Variants in ANO5 observed in about 807,000 individuals in gnomAD.
ANO5 encodes the protein anoctamin 5.
In ANO5, 109 loss-of-function variants were observed where a neutral mutation model predicts 121.0. That is an observed-to-expected ratio of 0.90 (90% CI 0.77 to 1.06). The LOEUF is 1.06. Ranked by LOEUF, ANO5 falls within the 50% of genes least tolerant of loss-of-function variation. The pLI is 0.00. For missense variants in ANO5, 1,064 were observed against 1,078.5 expected, an observed-to-expected ratio of 0.99 and a Z score of 0.19; for synonymous variants, 406 against 359.9, an observed-to-expected ratio of 1.13 and a Z score of -1.45.
chr11:22,277,309 A>C (rs1259682028), intron 21 of ANO5, among the ~76,000 whole-genome samples: 1 of 151,610 alleles, frequency 6.6e-6, no homozygotes, highest in Non-Finnish European at 1.5e-5. Context: ...GTATTTTGAT[A>C]ATTTATTTAG....
chr11:22,223,704 A>G (rs1017474072), intron 5 of ANO5, among the ~76,000 whole-genome samples: 1 of 151,930 alleles, frequency 6.6e-6, no homozygotes, highest in Non-Finnish European at 1.5e-5. Context: ...TTTTCTGTAT[A>G]CCTATTTTGG....
rs535243418 is a variant in ANO5 at position 22,237,116 on chromosome 11, T to C, written c.762+840T>C. 3.2e-4 allele frequency among the ~76,000 whole-genome samples: 48 copies of C among 152,318 alleles called. 1 individual carries two copies. The South Asian group carries it at 9.7e-3, about 31-fold the overall frequency. ...CATATTCTACTTTGAGATCATCCCT[T>C]GGAATGTCTATTTTTGTTGTTTCTT... On this transcript the variant is annotated intron_variant, in intron 8 of 21. Transcript: ENST00000324559.
chr11:22,251,033 G>C, intron 12 of ANO5, 22 bp downstream of exon 12: 1 of 1,593,664 alleles, frequency 6.3e-7, no homozygotes, highest in Non-Finnish European at 8.6e-7. Context: ...GTCCCATAAA[G>C]AAACAGCTTT....
At chr11:22,227,063 T>C (rs1852861948) in intron 6 of ANO5, among the ~76,000 whole-genome samples, 1 of 152,128 alleles carries the variant, frequency 6.6e-6, no homozygotes, top group Admixed American at 6.6e-5. Context: ...TGTGTCTTTG[T>C]ATGTCTCTCT....
chr11:22,224,854 C>A (rs1852772225), intron 5 of ANO5, among the ~76,000 whole-genome samples: 1 of 151,946 alleles, frequency 6.6e-6, no homozygotes, highest in Non-Finnish European at 1.5e-5. Flanking sequence ...TCATTTGCAG[C>A]CATCGATGGA....
chr11:22,274,853 C>T (rs1428099037), intron 20 of ANO5, 106 bp downstream of exon 20: 8 of 1,342,078 alleles, frequency 6.0e-6, no homozygotes, highest in East Asian at 5.0e-5. Flanking sequence ...TTTCTTAGGG[C>T]AACAAAAATC....
intron 17 of ANO5, among the ~76,000 whole-genome samples, chr11:22,269,379 AAAG>A (rs1371519411): frequency 1.2e-4 from 17 of 147,260 alleles, no homozygotes; most frequent in South Asian, 2.2e-4. Context: ...AGGAAGAAGG[AAAG>A]AAGAAAGGAA....
chr11:22,201,229 T>C (rs1295024755), intron 1 of ANO5, among the ~76,000 whole-genome samples: 2 of 152,202 alleles, frequency 1.3e-5, no homozygotes, highest in Non-Finnish European at 2.9e-5. Context: ...CATTCAATTT[T>C]TCAATAAATG....
intron 13 of ANO5, 135 bp downstream of exon 13, chr11:22,255,657 T>TA: frequency 7.1e-6 from 7 of 987,606 alleles, no homozygotes; most frequent in Non-Finnish European, 1.1e-5. Context: ...TCTTTACTTG[T>TA]TTCTAATATA....
intron 1 of ANO5, among the ~76,000 whole-genome samples, chr11:22,195,138 G>A (rs1212207711): frequency 6.6e-6 from 1 of 152,040 alleles, no homozygotes; most frequent in Non-Finnish European, 1.5e-5. Flanking sequence ...TTGTAAAGTG[G>A]TATCTCAGTG....
Position 22,250,984 on chromosome 11 carries a change from T to C in ANO5, c.1153T>C (p.Phe385Leu), listed in dbSNP as rs1358881006. 1.2e-6 allele frequency: 2 copies of C among 1,612,364 alleles called. No homozygotes were observed. Residue 385 changes from phenylalanine to leucine, a missense_variant, in exon 12 of 22, where the codon TTC becomes CTC. By Grantham distance (22) the Phe-to-Leu change is conservative. Transcript: ENST00000324559. ...TTTGTTTGATAATGAGTCAACAGTG[T>C]TCTTTGCAATATTCATGGGAATTTG... ...SHLFDNESTV[F>L]FAIFMGIWVT... is the part of the protein sequence containing the mutation.
intron 3 of ANO5, among the ~76,000 whole-genome samples, 183 bp from the exon 4 acceptor site, chr11:22,218,063 C>T (rs1331743638): frequency 5.0e-5 from 5 of 99,886 alleles, no homozygotes; most frequent in Non-Finnish European, 1.2e-4. Flanking sequence ...TTGCTTTCTT[C>T]CCATTTTTCT....
intron 7 of ANO5, among the ~76,000 whole-genome samples, chr11:22,228,760 C>T (rs1349648754): frequency 6.6e-6 from 1 of 151,718 alleles, no homozygotes; most frequent in Admixed American, 6.6e-5. Flanking sequence ...CTCTTCCTAC[C>T]TTAATGTCCT....
chr11:22,233,002 C>T (rs926313876), intron 7 of ANO5, among the ~76,000 whole-genome samples: 1 of 151,970 alleles, frequency 6.6e-6, no homozygotes, highest in Non-Finnish European at 1.5e-5. Flanking sequence ...CTCATAGATA[C>T]CCCTTCCCGC....
At chr11:22,266,530 A>G (rs1854372106) in intron 17 of ANO5, among the ~76,000 whole-genome samples, 2 of 152,160 alleles carry the variant, frequency 1.3e-5, no homozygotes, top group Admixed American at 1.3e-4. Flanking sequence ...AACAACATGA[A>G]TAAGTATTTT....
chr11:22,249,642 G>A (rs1853734310), intron 9 of ANO5, among the ~76,000 whole-genome samples: 1 of 152,098 alleles, frequency 6.6e-6, no homozygotes, highest in Non-Finnish European at 1.5e-5. Flanking sequence ...TGAAAACCAA[G>A]AGCTAGGCTG....
At position 22,272,782 on chromosome 11, in the gene ANO5, A is replaced by C; in HGVS notation, c.2030-2A>C. 6.2e-7 allele frequency: 1 copy of C among 1,613,256 alleles called. No homozygotes were observed. The highest frequency in any genetic ancestry group is 8.5e-7 in the Non-Finnish European group (1 of 1,179,354). On this transcript the variant is annotated splice_acceptor_variant, in intron 18 of 21. Coordinates refer to ENST00000324559, the MANE Select transcript of ANO5 (RefSeq NM_213599.3). LOFTEE classifies it high-confidence loss of function. ...GTTCATGCCTTTTTCTTTTCTCTAC[A>C]GTTACTCAATTTGGATTTGTTACAC... is the stretch of plus-strand genomic sequence containing the variant.
At chr11:22,236,701 T>C (rs1016863797) in intron 8 of ANO5, among the ~76,000 whole-genome samples, 1 of 152,198 alleles carries the variant, frequency 6.6e-6, no homozygotes, top group African/African-American at 2.4e-5. Flanking sequence ...TTCAATTATA[T>C]GTAAAGCATT....
chr11:22,250,706 A>C (rs1474604918), intron 10 of ANO5, 35 bp from the exon 11 acceptor site: 1 of 1,588,834 alleles, frequency 6.3e-7, no homozygotes, highest in Non-Finnish European at 8.6e-7. Context: ...CTAAACACCT[A>C]TCACTGTTCA....
Sources: gnomAD v4.1 joint callset for allele counts (sites outside exome capture counted in the v4.1 genomes callset) on GRCh38, gnomAD v4.1.1 for gene constraint, MANE v1.5 for transcripts, NCBI Gene and HGNC (gene_info 2026-07-23, HGNC 2026-07-21) for gene names.